Variants in CEP112 observed in about 807,000 individuals in gnomAD.
CEP112 encodes the protein centrosomal protein 112.
In CEP112, 127 loss-of-function variants were observed where a neutral mutation model predicts 153.0. That is an observed-to-expected ratio of 0.83 (90% CI 0.72 to 0.96). The LOEUF is 0.96. Among genes scored for constraint, CEP112 ranks in the 40% least tolerant of loss-of-function variants. CEP112 has a pLI of 0.00. For synonymous variants in CEP112, 358 were observed against 374.4 expected (o/e 0.96, Z 0.51); for missense variants, 1,089 against 1,101.2 (o/e 0.99, Z 0.16).
chr17:65,826,418 A>G, intron 21 of CEP112: 4 of 1,569,892 alleles, frequency 2.5e-6, no homozygotes, highest in Non-Finnish European at 3.4e-6. Context: ...CCCCTGATAG[A>G]AAGGTGACTT....
intron 23 of CEP112, among the ~76,000 whole-genome samples, chr17:65,731,055 T>A (rs573560512): frequency 6.6e-6 from 1 of 152,074 alleles, no homozygotes. Flanking sequence ...TTCCACAGTC[T>A]CTTTAAAGAA....
Position 65,927,602 on chromosome 17 carries a change from T to A in CEP112, c.1960A>T (p.Arg654Ter). ...KEFLWQLEDI[R>*]QRYEQQIVEL... ...CCAACCTGTTGTTCATACCGCTGTC[T>A]GATGTCCTCCAGTTGCCATAAAAAC... Residue 654 changes from arginine (R) to a stop codon, truncating the protein, a stop_gained, in exon 19 of 27, where the codon AGA (arginine) becomes TGA (stop). Coordinates refer to ENST00000535342, the MANE Select transcript of CEP112 (RefSeq NM_001199165.4). LOFTEE classifies it high-confidence loss of function. The A allele has an allele frequency of 6.2e-7, 1 of 1,600,516 alleles. No individual in the cohort carries two copies. The highest frequency in any genetic ancestry group is 8.5e-7 in the Non-Finnish European group (1 of 1,175,410).
At chr17:66,174,557 T>C (rs1323280166) in intron 4 of CEP112, among the ~76,000 whole-genome samples, 2 of 152,184 alleles carry the variant, frequency 1.3e-5, no homozygotes, top group Non-Finnish European at 2.9e-5. Context: ...ATCCCTTCCC[T>C]AAAGCCAAAA....
chr17:65,996,172 C>T (rs890984651), intron 17 of CEP112, among the ~76,000 whole-genome samples: 23 of 144,000 alleles, frequency 1.6e-4, no homozygotes, highest in African/African-American at 5.6e-4. Flanking sequence ...GTGTGTAGTA[C>T]AATAAGTTAA....
intron 6 of CEP112, among the ~76,000 whole-genome samples, chr17:66,097,033 C>T (rs761247041): frequency 3.9e-5 from 6 of 152,158 alleles, no homozygotes; most frequent in Non-Finnish European, 7.4e-5. Context: ...TTTGTTCTTA[C>T]AGTCGCAATT....
chr17:65,787,163 T>A (rs2054324383), intron 21 of CEP112, among the ~76,000 whole-genome samples: 1 of 152,208 alleles, frequency 6.6e-6, no homozygotes, highest in Middle Eastern at 3.2e-3. Flanking sequence ...TGACTTTTTC[T>A]TTTTCAGAAT....
chr17:66,030,152 T>G, intron 12 of CEP112, 129 bp from the exon 13 acceptor site: 2 of 704,956 alleles, frequency 2.8e-6, no homozygotes, highest in Non-Finnish European at 4.3e-6. Flanking sequence ...ACCATGGTAG[T>G]AGAAATTAAA....
At chr17:66,031,481 T>TG (rs1246609614) in intron 12 of CEP112, among the ~76,000 whole-genome samples, 21 of 34,824 alleles carry the variant, frequency 6.0e-4, no homozygotes, top group Non-Finnish European at 1.8e-3. Flanking sequence ...TTGTTTTTTT[T>TG]TTTTGTTTTT....
chr17:66,018,381 T>G (rs577369880), intron 16 of CEP112, among the ~76,000 whole-genome samples: 2 of 152,072 alleles, frequency 1.3e-5, no homozygotes, highest in South Asian at 4.2e-4. Flanking sequence ...AAAGAGATTG[T>G]GCTATATATC....
intron 4 of CEP112, among the ~76,000 whole-genome samples, chr17:66,149,882 TTGTTTG>T (rs1568549309): frequency 0.045 from 2,638 of 59,140 alleles, 165 homozygotes; most frequent in East Asian, 0.053. Flanking sequence ...TTTTTTTTGT[TTGTTTG>T]TTTTTTTTTT....
At chr17:65,968,806 T>C (rs2062510329) in intron 17 of CEP112, among the ~76,000 whole-genome samples, 1 of 152,202 alleles carries the variant, frequency 6.6e-6, no homozygotes, top group Admixed American at 6.5e-5. Context: ...AAGTCCAAAA[T>C]AGTTTCGCTA....
At chr17:65,998,378 G>A (rs1282369555) in intron 17 of CEP112, among the ~76,000 whole-genome samples, 4 of 33,932 alleles carry the variant, frequency 1.2e-4, no homozygotes, top group East Asian at 8.3e-4. Context: ...GTAAGGCCTC[G>A]TCTCAAAAAA....
chr17:65,936,203 A>G (rs778252960), intron 18 of CEP112, among the ~76,000 whole-genome samples: 114 of 152,176 alleles, frequency 7.5e-4, no homozygotes, highest in Non-Finnish European at 1.3e-3. Context: ...GAAATAGAAC[A>G]TCTGAACAGA....
intron 20 of CEP112, among the ~76,000 whole-genome samples, chr17:65,857,699 G>A (rs2058171941): frequency 6.6e-6 from 1 of 152,004 alleles, no homozygotes; most frequent in African/African-American, 2.4e-5. Context: ...ACTGACCTGA[G>A]GGATTTTTTT....
intron 21 of CEP112, among the ~76,000 whole-genome samples, chr17:65,837,227 C>T (rs1439390724): frequency 6.6e-5 from 10 of 152,018 alleles, no homozygotes; most frequent in African/African-American, 1.5e-4. Flanking sequence ...GCCGCCACCC[C>T]GTCTAGGAAG....
chr17:65,952,444 A>C (rs1853710798), intron 18 of CEP112, among the ~76,000 whole-genome samples: 1 of 151,982 alleles, frequency 6.6e-6, no homozygotes, highest in South Asian at 2.1e-4. Context: ...CTGTTGTATC[A>C]ATAATTCATT....
At chr17:66,098,197 T>A (rs962229279) in intron 6 of CEP112, among the ~76,000 whole-genome samples, 1 of 152,210 alleles carries the variant, frequency 6.6e-6, no homozygotes, top group African/African-American at 2.4e-5. Context: ...TCACTATCCT[T>A]CTTCTGTCCA....
chr17:65,674,645 T>C (rs192741746), intron 24 of CEP112, among the ~76,000 whole-genome samples: 3 of 152,312 alleles, frequency 2.0e-5, no homozygotes, highest in African/African-American at 7.2e-5. Context: ...GAACTGAAGT[T>C]TAGCTTCAAG....
At chr17:65,939,948 A>G (rs539028236) in intron 18 of CEP112, among the ~76,000 whole-genome samples, 23 of 152,302 alleles carry the variant, frequency 1.5e-4, no homozygotes, top group African/African-American at 5.5e-4. Context: ...AAAGTAAAAA[A>G]ACAACCTACA....
Sources: allele counts gnomAD v4.1 joint callset (sites outside exome capture counted in the v4.1 genomes callset), GRCh38; gene constraint gnomAD v4.1.1; transcripts MANE v1.5; gene names NCBI Gene and HGNC (gene_info 2026-07-23, HGNC 2026-07-21).